The following TOX variants were observed in gnomAD, a reference collection of about 807,000 sequenced individuals.
TOX encodes thymocyte selection associated high mobility group box, also known as thymocyte selection-associated high mobility group box protein TOX.
A neutral mutation model predicts 53.7 loss-of-function variants in TOX; 11 were observed. That is an observed-to-expected ratio of 0.20 (90% CI 0.13 to 0.34). TOX has a LOEUF of 0.34. TOX is among the 10% of genes least tolerant of loss of function. The pLI is 1.00. For synonymous variants in TOX, 225 were observed against 245.3 expected (o/e 0.92, Z 0.77); for missense variants, 570 against 664.6 (o/e 0.86, Z 1.56).
chr8:59,051,114 C>T (rs978916200), intron 1 of TOX, among the ~76,000 whole-genome samples: 14 of 152,104 alleles, frequency 9.2e-5, no homozygotes, highest in African/African-American at 1.4e-4. Flanking sequence ...TGGCATACCC[C>T]GAACATAGGA....
intron 1 of TOX, among the ~76,000 whole-genome samples, chr8:58,973,356 T>C (rs1563405713): frequency 6.6e-6 from 1 of 152,262 alleles, no homozygotes; most frequent in Non-Finnish European, 1.5e-5. Flanking sequence ...ATAGGTACTT[T>C]CCAACTTTTA....
chr8:59,063,958 C>T (rs1804042141), intron 1 of TOX, among the ~76,000 whole-genome samples: 1 of 151,832 alleles, frequency 6.6e-6, no homozygotes, highest in African/African-American at 2.4e-5. Flanking sequence ...ACGAACTATG[C>T]TATACCTTCC....
At chr8:59,037,444 T>C (rs1803489503) in intron 1 of TOX, among the ~76,000 whole-genome samples, 1 of 152,206 alleles carries the variant, frequency 6.6e-6, no homozygotes, top group East Asian at 1.9e-4. Flanking sequence ...GTTATAGTAC[T>C]CGCAATTCTG....
intron 1 of TOX, among the ~76,000 whole-genome samples, chr8:59,103,205 C>T (rs773250178): frequency 3.3e-5 from 5 of 152,098 alleles, no homozygotes; most frequent in Admixed American, 6.5e-5. Flanking sequence ...AGATAAAATA[C>T]TTTGTCAAGC....
intron 6 of TOX, among the ~76,000 whole-genome samples, chr8:58,819,087 G>A (rs888288741): frequency 6.6e-6 from 1 of 152,070 alleles, no homozygotes; most frequent in Admixed American, 6.5e-5. Context: ...ATTTTCAGTG[G>A]CAAACTGCCA....
chr8:58,813,701 T>C lies in TOX; in HGVS notation c.1392+1637A>G, dbSNP rs72649451. Reference sequence around the variant, plus strand: ...TCCCCAGTGAATCAACAACTGTCTGTTGGATGCAGATAAGAAAATCATCAT... The same window carrying C: ...TCCCCAGTGAATCAACAACTGTCTGCTGGATGCAGATAAGAAAATCATCAT... On this transcript the variant is annotated intron_variant, in intron 7 of 8. Coordinates refer to ENST00000361421, the MANE Select transcript of TOX (RefSeq NM_014729.3). 4.4e-3 allele frequency among the ~76,000 whole-genome samples: 674 copies of C among 152,328 alleles called. 1 individual carries two copies. Among genetic ancestry groups the C allele is most frequent in the Non-Finnish European group, 7.0e-3 (479 of 68,034 alleles).
intron 3 of TOX, among the ~76,000 whole-genome samples, chr8:58,893,853 A>G (rs976092181): frequency 4.6e-5 from 7 of 152,256 alleles, no homozygotes; most frequent in Admixed American, 3.3e-4. Context: ...GTGTAAATGC[A>G]TGAAGAGGCG....
intron 5 of TOX, among the ~76,000 whole-genome samples, chr8:58,827,406 G>A (rs972613273): frequency 2.0e-5 from 3 of 152,224 alleles, no homozygotes; most frequent in Admixed American, 6.5e-5. Context: ...TCATCACTGA[G>A]TTAAGATTTG....
chr8:58,873,900 C>T (rs1585873044), intron 3 of TOX, among the ~76,000 whole-genome samples: 1 of 143,164 alleles, frequency 7.0e-6, no homozygotes, highest in Non-Finnish European at 1.5e-5. Context: ...CAGAGATTTC[C>T]TGAGTGACTT....
At chr8:58,813,123 C>T (rs1014129948) in intron 7 of TOX, among the ~76,000 whole-genome samples, 3 of 152,130 alleles carry the variant, frequency 2.0e-5, no homozygotes, top group African/African-American at 7.2e-5. Context: ...ATAACTTGTC[C>T]AATGTAATCT....
At chr8:58,831,852 T>C (rs908898938) in intron 5 of TOX, among the ~76,000 whole-genome samples, 3 of 152,142 alleles carry the variant, frequency 2.0e-5, no homozygotes, top group African/African-American at 7.2e-5. Flanking sequence ...TAAATTACAA[T>C]GTACATCAAT....
chr8:59,068,742 G>A (rs1453313368), intron 1 of TOX, among the ~76,000 whole-genome samples: 6 of 152,104 alleles, frequency 3.9e-5, no homozygotes, highest in South Asian at 2.1e-4. Flanking sequence ...GTCTGGCCAC[G>A]CTCCAGGCAG....
At chr8:59,039,566 C>T (rs890045447) in intron 1 of TOX, among the ~76,000 whole-genome samples, 2 of 152,104 alleles carry the variant, frequency 1.3e-5, no homozygotes, top group African/African-American at 4.8e-5. Context: ...ATGAATGCTC[C>T]CTCCTCTGTT....
intron 6 of TOX, among the ~76,000 whole-genome samples, chr8:58,817,794 T>C (rs565986917): frequency 2.0e-5 from 3 of 152,290 alleles, no homozygotes; most frequent in African/African-American, 7.2e-5. Context: ...TTGTTTTTAA[T>C]TTAAAAATAA....
At chr8:58,856,273 G>A (rs1042316225) in intron 3 of TOX, among the ~76,000 whole-genome samples, 1 of 151,706 alleles carries the variant, frequency 6.6e-6, no homozygotes, top group Non-Finnish European at 1.5e-5. Flanking sequence ...TTTCTTTATG[G>A]GACACCACTT....
At chr8:58,887,063 TGA>T (rs1161429672) in intron 3 of TOX, among the ~76,000 whole-genome samples, 2 of 152,016 alleles carry the variant, frequency 1.3e-5, no homozygotes, top group Admixed American at 6.6e-5. Context: ...AAATAGAAAA[TGA>T]GTGTGGAATT....
chr8:58,902,172 C>G (rs548722147), intron 3 of TOX, among the ~76,000 whole-genome samples: 3 of 152,154 alleles, frequency 2.0e-5, no homozygotes, highest in Admixed American at 6.6e-5. Flanking sequence ...TGCTTTTCTT[C>G]CCCCTTTTTC....
intron 1 of TOX, among the ~76,000 whole-genome samples, chr8:59,099,995 C>G (rs1804777696): frequency 6.6e-6 from 1 of 151,820 alleles, no homozygotes; most frequent in South Asian, 2.1e-4. Context: ...ATAAGGCATT[C>G]CAGTTTCCAT....
intron 1 of TOX, among the ~76,000 whole-genome samples, chr8:59,005,078 G>A (rs57754474): frequency 0.31 from 47,258 of 150,676 alleles, 8,432 homozygotes; most frequent in African/African-American, 0.49. Context: ...TCGCTCTGTC[G>A]CCCAGGCTAG....
Sources: allele counts gnomAD v4.1 joint callset (sites outside exome capture counted in the v4.1 genomes callset), GRCh38; gene constraint gnomAD v4.1.1; transcripts MANE v1.5; gene names NCBI Gene and HGNC (gene_info 2026-07-23, HGNC 2026-07-21).